The following MTMR12 variants were observed in gnomAD, a reference collection of about 807,000 sequenced individuals.
MTMR12 encodes myotubularin-related protein 12.
A neutral mutation model predicts 96.7 loss-of-function variants in MTMR12; 33 were observed. The ratio of observed to expected loss-of-function variants is 0.34; its 90% CI spans 0.26 to 0.46. The LOEUF (loss-of-function observed/expected upper bound fraction) is 0.46, where lower values mean the gene tolerates loss of function less well. Ranked by LOEUF, MTMR12 falls within the 20% of genes least tolerant of loss-of-function variation. The pLI is 1.00. For missense variants in MTMR12, 721 were observed against 896.1 expected (o/e 0.80, Z 2.49); for synonymous variants, 298 against 327.2 (o/e 0.91, Z 0.96).
intron 1 of MTMR12, among the ~76,000 whole-genome samples, chr5:32,289,807 A>G (rs1166320181): frequency 1.3e-5 from 2 of 152,218 alleles, no homozygotes; most frequent in South Asian, 2.1e-4. Context: ...TATGGTGGAA[A>G]AGGCTAAACA....
chr5:32,296,525 C>A (rs548095137), intron 1 of MTMR12: 4 of 322,662 alleles, frequency 1.2e-5, no homozygotes, highest in African/African-American at 2.2e-5. Context: ...CTGGGCATGG[C>A]GATTTACACT....
intron 7 of MTMR12, among the ~76,000 whole-genome samples, chr5:32,261,637 C>T (rs1749361921): frequency 6.6e-6 from 1 of 152,210 alleles, no homozygotes. Context: ...CATCTTCCTC[C>T]CTCCAGAATG....
rs577801244 is a variant in MTMR12 at position 32,269,855 on chromosome 5, C to T, written c.489+962G>A. Among the ~76,000 whole-genome samples the T allele has an allele frequency of 3.4e-4, 52 of 152,230 alleles. 1 individual carries two copies. In the South Asian group the frequency reaches 0.01, roughly 30 times the overall value. ...AAGAAATCAATCTATCACGCTGTTT[C>T]GTGTGAAACTAAAGTATATTTGGTT... On this transcript the variant is annotated intron_variant, in intron 5 of 15. Coordinates refer to ENST00000382142, the MANE Select transcript of MTMR12 (RefSeq NM_001040446.3).
rs185887263 is a variant in MTMR12, at chr5:32,309,047, A to G, written c.81+3711T>C. Among the ~76,000 whole-genome samples, 53 of 151,914 alleles carry G rather than the reference A, an allele frequency of 3.5e-4. No homozygotes were observed. The East Asian group carries it at 8.6e-3, about 25-fold the overall frequency. ...ATGCAAGAAAACAAAGCTGCCAACT[A>G]TAAGGATCTGAAAAATGTGACCACT... On this transcript the variant is annotated intron_variant, in intron 1 of 15. Transcript: ENST00000382142.
At chr5:32,276,189 C>T (rs923290787) in intron 2 of MTMR12, among the ~76,000 whole-genome samples, 15 of 152,364 alleles carry the variant, frequency 9.8e-5, no homozygotes, top group South Asian at 4.1e-4. Context: ...CAGGCTCCTT[C>T]GCAATGACTG....
chr5:32,247,946 G>C lies in MTMR12; in HGVS notation c.1021+56C>G. 3 of 1,584,556 alleles carry C rather than the reference G, an allele frequency of 1.9e-6. No homozygotes were observed. The South Asian group carries it at 3.4e-5, about 18-fold the overall frequency. ...AAAGGCACCAACTTTCACCTGATCT[G>C]CATGGCATGTCTTTCCCCATATAAC... On this transcript the variant is annotated intron_variant, in intron 10 of 15. Transcript: ENST00000382142.
In MTMR12 at chr5:32,229,806, T is replaced by C; in HGVS notation, c.2216A>G (p.Asp739Gly). The change falls in exon 16 of 16, where the codon GAT (aspartate) becomes GGT (glycine). Residue 739 changes from aspartate to glycine, a missense_variant. By Grantham distance (94) the Asp-to-Gly change is moderately conservative. Coordinates refer to ENST00000382142, the MANE Select transcript of MTMR12 (RefSeq NM_001040446.3). ...CACATCCCCTAGGTCCACGAACTCA[T>C]CTTCTCGTTTGGCCAAATCGTCTTC... ...GDEDDLAKREDEFVDLGDV is the reference protein window; with the variant it reads ...GDEDDLAKREGEFVDLGDV 1 of 1,554,510 alleles carries C rather than the reference T, an allele frequency of 6.4e-7. No individual in the cohort carries two copies. The highest frequency in any genetic ancestry group is 8.7e-7 in the Non-Finnish European group (1 of 1,151,080).
chr5:32,299,805 T>C (rs924271160), intron 1 of MTMR12, among the ~76,000 whole-genome samples: 1 of 152,204 alleles, frequency 6.6e-6, no homozygotes, highest in East Asian at 1.9e-4. Context: ...GCACACACCT[T>C]ACATAAGAGA....
intron 1 of MTMR12, among the ~76,000 whole-genome samples, chr5:32,286,221 C>A (rs1439541130): frequency 6.6e-6 from 1 of 152,092 alleles, no homozygotes; most frequent in Non-Finnish European, 1.5e-5. Context: ...TACCTGTAGT[C>A]CCAGCTACTC....
chr5:32,291,825 C>T (rs949596725), intron 1 of MTMR12, among the ~76,000 whole-genome samples: 18 of 152,182 alleles, frequency 1.2e-4, no homozygotes, highest in Non-Finnish European at 1.8e-4. Flanking sequence ...TTCCTCAGGG[C>T]GATCAGCCAG....
At position 32,233,703 on chromosome 5, in the gene MTMR12, A is replaced by G. The variant is rs957488876; in HGVS notation, c.1674+70T>C. The G allele has an allele frequency of 9.4e-6, 15 of 1,599,232 alleles. No homozygotes were observed. The East Asian group carries it at 2.9e-4, about 31-fold the overall frequency. ...GAAAATGCTGGCAGACAGAATCCGT[A>G]AGTACCTTTTATCATTACATGCACG... is the stretch of plus-strand genomic sequence containing the variant. On this transcript the variant is annotated intron_variant, in intron 15 of 15. Coordinates refer to ENST00000382142, the MANE Select transcript of MTMR12 (RefSeq NM_001040446.3). This position sits in a 1 kb window ranked among gnomAD's most constrained non-coding sequence, Gnocchi z 5.0.
intron 7 of MTMR12, among the ~76,000 whole-genome samples, chr5:32,262,664 A>G (rs1749412670): frequency 6.6e-6 from 1 of 152,220 alleles, no homozygotes; most frequent in East Asian, 1.9e-4. Context: ...AGAGCCAAAA[A>G]GTGAAAATAA....
rs61757722 is a variant in MTMR12, at chr5:32,239,114, G to A, written c.1231C>T (p.Pro411Ser). Residue 411 changes from proline to serine, a missense_variant, in exon 13 of 16, where the codon CCC (proline) becomes TCC (serine). Coordinates refer to ENST00000382142, the MANE Select transcript of MTMR12 (RefSeq NM_001040446.3). ...ISSLVQLMMD[P>S]HCRTRIGFQS... ...AAACCAATTCTGGTTCTGCAGTGGGGGTCCATCATCAGTTGCACCAGAGAG... is the reference window on the plus strand; with the variant it reads ...AAACCAATTCTGGTTCTGCAGTGGGAGTCCATCATCAGTTGCACCAGAGAG... 4,128 of 1,609,726 alleles carry A rather than the reference G, an allele frequency of 2.6e-3. 108 individuals are homozygous for A. The African/African-American group carries it at 0.049, about 19-fold the overall frequency.
chr5:32,230,323 G>A lies in MTMR12; in HGVS notation c.1699C>T (p.Leu567Phe), dbSNP rs373439185. Reference protein sequence around the residue: ...FKHQRQLSLPLTQSKSSPKRG... With the variant: ...FKHQRQLSLPFTQSKSSPKRG... ...TTGGGAGATGACTTAGATTGTGTAA[G>A]TGGCAAAGAAAGTTGTCGTTGATGC... Residue 567 changes from leucine (L) to phenylalanine (F), a missense_variant, in exon 16 of 16, where the codon CTT becomes TTT. By Grantham distance (22) the Leu-to-Phe change is conservative. Coordinates refer to ENST00000382142, the MANE Select transcript of MTMR12 (RefSeq NM_001040446.3). The A allele has an allele frequency of 3.1e-5, 50 of 1,603,838 alleles. No individual in the cohort carries two copies. Among genetic ancestry groups the A allele is most frequent in the Non-Finnish European group, 3.8e-5 (45 of 1,176,972 alleles).
intron 1 of MTMR12, among the ~76,000 whole-genome samples, chr5:32,308,518 G>T (rs890724977): frequency 1.3e-5 from 2 of 152,048 alleles, no homozygotes; most frequent in Admixed American, 6.6e-5. Context: ...CCTCGATGTT[G>T]CTCACCTGCA....
chr5:32,246,628 G>C (rs535646803), intron 10 of MTMR12, among the ~76,000 whole-genome samples: 1 of 152,144 alleles, frequency 6.6e-6, no homozygotes, highest in African/African-American at 2.4e-5. Flanking sequence ...TGCCACTGCA[G>C]GCTTTATCTT....
At chr5:32,279,570 A>C (rs1209862357) in intron 1 of MTMR12, among the ~76,000 whole-genome samples, 1 of 152,222 alleles carries the variant, frequency 6.6e-6, no homozygotes, top group Non-Finnish European at 1.5e-5. Context: ...TTGTAAAGGA[A>C]ACTCTTACCA....
rs944585273 is a variant in MTMR12, at chr5:32,227,468, A to G, written c.*2310T>C. ...CAGCTTATTTTTCTATTGTAATTTT[A>G]AAAAATCATAGAAAAATATGTCAAT... On this transcript the variant is annotated 3_prime_UTR_variant, in exon 16 of 16. Transcript: ENST00000382142. 1 of 152,654 alleles carries G rather than the reference A, an allele frequency of 6.6e-6. No homozygotes were observed. Among genetic ancestry groups the G allele is most frequent in the African/African-American group, 2.4e-5 (1 of 41,454 alleles). The allele number at this position is 152,654 out of a possible 1,614,324, so 9.5% of individuals were successfully genotyped here. A position where few individuals can be genotyped will look rare whatever the true frequency, so the allele number is the denominator to read the frequency against.
At chr5:32,264,291 C>T (rs1363979857) in intron 6 of MTMR12, among the ~76,000 whole-genome samples, 2 of 152,088 alleles carry the variant, frequency 1.3e-5, no homozygotes, top group South Asian at 2.1e-4. Context: ...ACAAATAGTT[C>T]AAGTCTTTGC....
Sources: gnomAD v4.1 joint callset for allele counts (sites outside exome capture counted in the v4.1 genomes callset) on GRCh38, gnomAD v4.1.1 for gene constraint, Gnocchi (gnomAD v3.1) non-coding constraint, MANE v1.5 for transcripts, NCBI Gene and HGNC (gene_info 2026-07-23, HGNC 2026-07-21) for gene names.